Variants in ARMH4 observed in about 807,000 individuals in gnomAD.
ARMH4 encodes the protein armadillo-like helical domain-containing protein 4.
Under a neutral mutation model 61.9 loss-of-function variants are expected in ARMH4, and 49 were observed. The ratio of observed to expected loss-of-function variants is 0.79; its 90% confidence interval spans 0.63 to 1.00. The LOEUF is 1.00. ARMH4 is among the 50% of genes least tolerant of loss of function. The probability of loss-of-function intolerance (pLI) is 0.00; values close to 1 mark genes in which losing one functional copy is unlikely to be tolerated. For missense variants in ARMH4, 934 were observed against 930.0 expected (o/e 1.00, Z -0.06); for synonymous variants, 368 against 341.5 (o/e 1.08, Z -0.85).
chr14:58,071,705 A>G (rs1884888483), intron 5 of ARMH4, among the ~76,000 whole-genome samples: 1 of 152,270 alleles, frequency 6.6e-6, no homozygotes, highest in Non-Finnish European at 1.5e-5. Context: ...TATTTGTCAA[A>G]GTATTTGACA....
intron 5 of ARMH4, among the ~76,000 whole-genome samples, chr14:58,078,797 A>G (rs1885129936): frequency 6.6e-6 from 1 of 152,246 alleles, no homozygotes; most frequent in African/African-American, 2.4e-5. Context: ...ATCAGGCTGG[A>G]TTTGTCTCAG....
intron 1 of ARMH4, among the ~76,000 whole-genome samples, chr14:58,150,517 C>T (rs1337287940): frequency 6.6e-6 from 1 of 152,142 alleles, no homozygotes; most frequent in Admixed American, 6.5e-5. Flanking sequence ...TATTTAGCAT[C>T]GAACCATTTC....
chr14:58,081,680 T>C (rs937298422), intron 5 of ARMH4, among the ~76,000 whole-genome samples: 1 of 151,472 alleles, frequency 6.6e-6, no homozygotes, highest in Non-Finnish European at 1.5e-5. Context: ...TTTTTGTATT[T>C]TTTAGTGAAG....
At chr14:58,133,032 T>G in intron 3 of ARMH4, 58 bp downstream of exon 3, 1 of 1,587,184 alleles carries the variant, frequency 6.3e-7, no homozygotes, top group South Asian at 1.1e-5. Context: ...CTATTCCTAG[T>G]CCACTTAACA....
chr14:58,073,241 G>A lies in ARMH4; in HGVS notation c.2089+23483C>T, dbSNP rs118079429. On this transcript the variant is annotated intron_variant, in intron 5 of 7. Transcript: ENST00000267485. The stretch of plus-strand genomic sequence containing the variant: ...ACACCAAAAGCCTAGAGTAGTATAA[G>A]GAATCATTCTTATGCCATTTTTAAA... Among the ~76,000 whole-genome samples, 19 of 152,242 alleles carry A rather than the reference G, an allele frequency of 1.2e-4. No homozygotes were observed. In the East Asian group the frequency reaches 3.5e-3, roughly 28 times the overall value.
intron 4 of ARMH4, chr14:58,116,430 T>C (rs906638892): frequency 1.5e-5 from 6 of 388,816 alleles, no homozygotes; most frequent in African/African-American, 1.0e-4. Context: ...ATTCCAACAC[T>C]TTGGGAGGCC....
At chr14:58,122,436 C>G (rs1236964819) in intron 4 of ARMH4, among the ~76,000 whole-genome samples, 1 of 152,136 alleles carries the variant, frequency 6.6e-6, no homozygotes, top group African/African-American at 2.4e-5. Context: ...TCCCTGTCAC[C>G]TGACTCTACT....
intron 6 of ARMH4, among the ~76,000 whole-genome samples, chr14:58,008,726 T>A (rs1882276913): frequency 6.6e-6 from 1 of 152,170 alleles, no homozygotes; most frequent in Admixed American, 6.6e-5. Flanking sequence ...CTGGGAGGTA[T>A]GTCTATGGTG....
intron 5 of ARMH4, among the ~76,000 whole-genome samples, chr14:58,090,537 T>C (rs1050156048): frequency 6.6e-6 from 1 of 152,010 alleles, no homozygotes; most frequent in Admixed American, 6.6e-5. Context: ...AGCAGGGGCA[T>C]GATATAGTCT....
chr14:58,124,433 G>A (rs2141312747), intron 4 of ARMH4, among the ~76,000 whole-genome samples: 1 of 152,306 alleles, frequency 6.6e-6, no homozygotes, highest in South Asian at 2.1e-4. Context: ...AGCGGCAGTA[G>A]CAGTCTTAGT....
chr14:58,147,094 T>C (rs981655650), intron 1 of ARMH4, among the ~76,000 whole-genome samples: 1 of 152,206 alleles, frequency 6.6e-6, no homozygotes, highest in African/African-American at 2.4e-5. Context: ...GTTACTTTGA[T>C]GACACTTCAA....
chr14:58,019,603 C>T (rs1882741141), intron 5 of ARMH4, among the ~76,000 whole-genome samples: 1 of 151,848 alleles, frequency 6.6e-6, no homozygotes, highest in South Asian at 2.1e-4. Flanking sequence ...CCACCCTGGC[C>T]AACAAGGTGA....
intron 4 of ARMH4, among the ~76,000 whole-genome samples, chr14:58,097,757 G>A (rs561615635): frequency 2.0e-5 from 3 of 151,150 alleles, no homozygotes; most frequent in African/African-American, 7.3e-5. Flanking sequence ...CCAGGCTGGA[G>A]TGCAGTGGCG....
chr14:58,141,359 A>C (rs1410138404), intron 1 of ARMH4: 5 of 504,438 alleles, frequency 9.9e-6, no homozygotes, highest in African/African-American at 9.8e-5. Context: ...TAGAATGTCA[A>C]AACCAAAATT....
At chr14:58,051,622 T>C (rs943156202) in intron 5 of ARMH4, among the ~76,000 whole-genome samples, 1 of 152,238 alleles carries the variant, frequency 6.6e-6, no homozygotes, top group Non-Finnish European at 1.5e-5. Context: ...CCTTAACTTT[T>C]AATAAAATAA....
At chr14:58,026,331 T>C (rs1840190441) in intron 5 of ARMH4, among the ~76,000 whole-genome samples, 1 of 151,964 alleles carries the variant, frequency 6.6e-6, no homozygotes, top group Non-Finnish European at 1.5e-5. Flanking sequence ...TGCTTGATCA[T>C]GAAGCGGAAA....
At chr14:58,040,681 G>A (rs1446017095) in intron 5 of ARMH4, among the ~76,000 whole-genome samples, 3 of 152,122 alleles carry the variant, frequency 2.0e-5, no homozygotes, top group African/African-American at 2.4e-5. Flanking sequence ...TATATACCCA[G>A]TAATGGAATT....
intron 5 of ARMH4, among the ~76,000 whole-genome samples, chr14:58,068,319 T>C (rs1414633878): frequency 1.3e-5 from 2 of 152,150 alleles, no homozygotes; most frequent in African/African-American, 4.8e-5. Flanking sequence ...TTAAGCTTTA[T>C]ATATTGATCA....
At chr14:58,039,844 G>T (rs1883624550) in intron 5 of ARMH4, among the ~76,000 whole-genome samples, 2 of 152,154 alleles carry the variant, frequency 1.3e-5, no homozygotes, top group African/African-American at 4.8e-5. Context: ...GTATCATGTA[G>T]AACTGCAGCA....
Sources: allele counts gnomAD v4.1 joint callset (sites outside exome capture counted in the v4.1 genomes callset), GRCh38; gene constraint gnomAD v4.1.1; transcripts MANE v1.5; gene names NCBI Gene and HGNC (gene_info 2026-07-23, HGNC 2026-07-21).